The following TJP3 variants were observed in gnomAD, a reference collection of about 807,000 sequenced individuals.
TJP3 encodes the protein tight junction protein ZO-3.
A neutral mutation model predicts 104.2 loss-of-function variants in TJP3; 85 were observed. The ratio of observed to expected loss-of-function variants is 0.82; its 90% CI spans 0.68 to 0.98. The LOEUF (loss-of-function observed/expected upper bound fraction) is 0.98, where lower values mean the gene tolerates loss of function less well. TJP3 is among the 50% of genes least tolerant of loss of function. The pLI is 0.00. For synonymous variants in TJP3, 550 were observed against 550.6 expected, an observed-to-expected ratio of 1.00 and a Z score of 0.02; for missense variants, 1,367 against 1,322.8, an observed-to-expected ratio of 1.03 and a Z score of -0.52.
At chr19:3,738,827 A>T in intron 12 of TJP3, 70 bp from the exon 13 acceptor site, 1 of 1,443,170 alleles carries the variant, frequency 6.9e-7, no homozygotes, top group Non-Finnish European at 9.5e-7. Flanking sequence ...AGCCAGGCCC[A>T]CTCTCGGGTG....
At chr19:3,744,240 GT>G (rs2036857596) in intron 15 of TJP3, among the ~76,000 whole-genome samples, 1 of 152,138 alleles carries the variant, frequency 6.6e-6, no homozygotes, top group Admixed American at 6.6e-5. Flanking sequence ...TCTTAACACA[GT>G]TCACCAGGTA....
Position 3,746,818 on chromosome 19 carries a change from A to G in TJP3, c.2264A>G (p.Glu755Gly). Residue 755 changes from glutamate (E) to glycine (G), a missense_variant, in exon 18 of 21, where the codon GAG (glutamate) becomes GGG (glycine). By Grantham distance (98) the Glu-to-Gly change is moderately conservative (BLOSUM62 -2). Transcript: ENST00000541714. The surrounding 1 kb of genome is among the most constrained non-coding windows in gnomAD (Gnocchi z 4.1). ...LNGTSDTWYQ[E>G]LKAIIREQQT... is the part of the protein sequence containing the mutation. ...GGCACGAGTGACACCTGGTACCAGG[A>G]GCTCAAGGCCATCATTCGAGAGCAG... is the stretch of plus-strand genomic sequence containing the variant. 1 of 1,612,132 alleles carries G rather than the reference A, an allele frequency of 6.2e-7. No homozygotes were observed. The highest frequency in any genetic ancestry group is 8.5e-7 in the Non-Finnish European group (1 of 1,179,244).
In TJP3 at chr19:3,730,035, G is replaced by T. The variant is rs764872493; in HGVS notation, c.166G>T (p.Asp56Tyr). ...CCCGCCCTCCTCTCTCAGGACAGGC[G>T]ACCACATCGTCATGGTGAACGGGGT... The part of the protein sequence containing the change: ...GPAEGRLQTG[D>Y]HIVMVNGVSM... Residue 56 changes from aspartate to tyrosine, a missense_variant, in exon 4 of 21, where the codon GAC (aspartate) becomes TAC (tyrosine). By Grantham distance (160) the Asp-to-Tyr change is radical (BLOSUM62 -3). Transcript: ENST00000541714. This position sits in a 1 kb window ranked among gnomAD's most constrained non-coding sequence, Gnocchi z 7.3. 6.2e-7 allele frequency: 1 copy of T among 1,613,896 alleles called. No homozygotes were observed. The highest frequency in any genetic ancestry group is 1.7e-5 in the Admixed American group (1 of 59,982).
chr19:3,738,119 G>A (rs1262230794), intron 11 of TJP3, among the ~76,000 whole-genome samples: 1 of 149,604 alleles, frequency 6.7e-6, no homozygotes, highest in Non-Finnish European at 1.5e-5. Flanking sequence ...TCATGACCCT[G>A]GTGGTAGGCA....
At chr19:3,714,456 A>T (rs2036459313) in intron 1 of TJP3, among the ~76,000 whole-genome samples, 1 of 150,900 alleles carries the variant, frequency 6.6e-6, no homozygotes, top group South Asian at 2.1e-4. Context: ...GGGATTACAG[A>T]TGTGAGCCAC....
intron 3 of TJP3, 144 bp downstream of exon 3, chr19:3,728,857 A>G (rs1457700678): frequency 3.7e-6 from 3 of 816,046 alleles, no homozygotes; most frequent in Non-Finnish European, 5.8e-6. Context: ...GTTTGAGACC[A>G]GCCTGGCCAA....
chr19:3,729,505 G>A (rs1321864640), intron 3 of TJP3, among the ~76,000 whole-genome samples: 1 of 152,136 alleles, frequency 6.6e-6, no homozygotes, highest in Non-Finnish European at 1.5e-5. Context: ...TCAAGGCCGG[G>A]TGCAGTGGCT....
At position 3,748,001 on chromosome 19, in the gene TJP3, C is replaced by T. The variant is rs779074037; in HGVS notation, c.2530C>T (p.Arg844Trp). The change falls in exon 19 of 21, where the codon CGG becomes TGG. Residue 844 changes from arginine (R) to tryptophan (W), a missense_variant. Transcript: ENST00000541714. Reference sequence around the variant, plus strand: ...TGAGCCCCCGGCTCCAGCCCTGGCCCGGTCCTCGGAGCCCGTGCAGGCAGA... The same window carrying T: ...TGAGCCCCCGGCTCCAGCCCTGGCCTGGTCCTCGGAGCCCGTGCAGGCAGA... The part of the protein sequence containing the change: ...DDEPPAPALA[R>W]SSEPVQADES... 6.2e-6 allele frequency: 10 copies of T among 1,609,876 alleles called. No individual in the cohort carries two copies. Among genetic ancestry groups the T allele is most frequent in the African/African-American group, 4.0e-5 (3 of 74,884 alleles).
At chr19:3,738,511 G>T in intron 11 of TJP3, 44 bp from the exon 12 acceptor site, 1 of 1,553,536 alleles carries the variant, frequency 6.4e-7, no homozygotes, top group East Asian at 2.3e-5. Context: ...GCACGCCCAA[G>T]AGGTACCAGA....
intron 6 of TJP3, among the ~76,000 whole-genome samples, chr19:3,732,865 G>C (rs2036689902): frequency 6.6e-6 from 1 of 151,508 alleles, no homozygotes; most frequent in Non-Finnish European, 1.5e-5. Context: ...GGCTGGTCTC[G>C]AACTCCCGAC....
At chr19:3,737,583 C>G (rs1016632785) in intron 11 of TJP3, among the ~76,000 whole-genome samples, 1 of 152,090 alleles carries the variant, frequency 6.6e-6, no homozygotes, top group African/African-American at 2.4e-5. Context: ...CCCAGGCTGT[C>G]TCCCCTGTCC....
In TJP3 at chr19:3,746,969, C is replaced by G. The variant is rs936535586; in HGVS notation, c.2322+93C>G. The G allele has an allele frequency of 2.4e-6, 3 of 1,256,056 alleles. No individual in the cohort carries two copies. The African/African-American group carries it at 4.5e-5, about 19-fold the overall frequency. 77.8% of individuals were successfully genotyped at this position (1,256,056 alleles called of 1,614,324 possible). On this transcript the variant is annotated intron_variant, in intron 18 of 20. Coordinates refer to ENST00000541714, the MANE Select transcript of TJP3 (RefSeq NM_001267560.2). The surrounding 1 kb of genome is among the most constrained non-coding windows in gnomAD (Gnocchi z 4.1). ...TTGGGGCCTCTGTCGGGAGTTAGGG[C>G]TTGGTCAGGGATCAGGACTGTGGCC...
chr19:3,739,844 C>G (rs1371810950), intron 13 of TJP3, among the ~76,000 whole-genome samples: 3 of 152,078 alleles, frequency 2.0e-5, no homozygotes, highest in Non-Finnish European at 4.4e-5. Flanking sequence ...CTCTCTCTGA[C>G]TCTCACCCTC....
intron 18 of TJP3, 49 bp from the exon 19 acceptor site, chr19:3,747,745 G>A: frequency 6.7e-7 from 1 of 1,481,872 alleles, no homozygotes; most frequent in Non-Finnish European, 8.9e-7. Flanking sequence ...GTGGGTGGCA[G>A]CTGGGGTCCT....
rs146122641 is a variant in TJP3, at chr19:3,740,742, G to C, written c.1822G>C (p.Glu608Gln). 1.4e-4 allele frequency: 217 copies of C among 1,588,842 alleles called. 1 individual carries two copies. The African/African-American group carries it at 2.5e-3, about 18-fold the overall frequency. The change falls in exon 14 of 21, where the codon GAA becomes CAA. Residue 608 changes from glutamate (E) to glutamine (Q), a missense_variant. By Grantham distance (29) the Glu-to-Gln change is conservative. Coordinates refer to ENST00000541714, the MANE Select transcript of TJP3 (RefSeq NM_001267560.2). ...LTRQGRYPPYERVVLREASFK... is the reference protein window; with the variant it reads ...LTRQGRYPPYQRVVLREASFK... ...CCGACAGGGCCGCTACCCGCCCTAC[G>C]AACGAGTGGTGTTGCGAGAAGGTGG...
chr19:3,744,641 C>T (rs540349011), intron 15 of TJP3, among the ~76,000 whole-genome samples: 36 of 143,910 alleles, frequency 2.5e-4, no homozygotes, highest in Admixed American at 1.9e-3. Context: ...TCCAGCCTGA[C>T]GACGGAATGA....
In TJP3 at chr19:3,747,964, G is replaced by A. The variant is rs377761946; in HGVS notation, c.2493G>A (p.Thr831=). 5.2e-5 allele frequency: 84 copies of A among 1,612,766 alleles called. 1 individual carries two copies. The South Asian group carries it at 5.5e-4, about 11-fold the overall frequency. ...GYTDGEGGPY[T]DVDDEPPAPA... ...CAGACGGCGAGGGGGGGCCCTACAC[G>A]GATGTGGATGATGAGCCCCCGGCTC... is the stretch of plus-strand genomic sequence containing the variant. Residue 831 remains threonine (T), a synonymous_variant, in exon 19 of 21, where the codon ACG becomes ACA. Coordinates refer to ENST00000541714, the MANE Select transcript of TJP3 (RefSeq NM_001267560.2).
chr19:3,746,802 G>A lies in TJP3; in HGVS notation c.2248G>A (p.Asp750Asn). Residue 750 changes from aspartate (D) to asparagine (N), a missense_variant, in exon 18 of 21, where the codon GAC becomes AAC. Asp to Asn is a conservative substitution (Grantham distance 23). Coordinates refer to ENST00000541714, the MANE Select transcript of TJP3 (RefSeq NM_001267560.2). This position sits in a 1 kb window ranked among gnomAD's most constrained non-coding sequence, Gnocchi z 4.1. Reference sequence around the variant, plus strand: ...CACCATCCCTCTGAATGGCACGAGTGACACCTGGTACCAGGAGCTCAAGGC... The same window carrying A: ...CACCATCCCTCTGAATGGCACGAGTAACACCTGGTACCAGGAGCTCAAGGC... ...TATIPLNGTS[D>N]TWYQELKAII... 1 of 1,611,300 alleles carries A rather than the reference G, an allele frequency of 6.2e-7. No homozygotes were observed. Among genetic ancestry groups the A allele is most frequent in the Non-Finnish European group, 8.5e-7 (1 of 1,178,832 alleles).
chr19:3,715,702 A>G (rs1599141836), intron 1 of TJP3, among the ~76,000 whole-genome samples: 1 of 152,194 alleles, frequency 6.6e-6, no homozygotes, highest in Non-Finnish European at 1.5e-5. Flanking sequence ...TGGGCAATGC[A>G]GGGTGCTTAG....
Sources: gnomAD v4.1 joint callset for allele counts (sites outside exome capture counted in the v4.1 genomes callset) on GRCh38, gnomAD v4.1.1 for gene constraint, Gnocchi (gnomAD v3.1) non-coding constraint, MANE v1.5 for transcripts, NCBI Gene and HGNC (gene_info 2026-07-23, HGNC 2026-07-21) for gene names.